Variants in AP2B1 observed in about 807,000 individuals in gnomAD.
The protein encoded by AP2B1 is AP-2 complex subunit beta.
In AP2B1, 23 loss-of-function variants were observed where a neutral mutation model predicts 102.0. The ratio of observed to expected loss-of-function variants is 0.23; its 90% CI spans 0.16 to 0.32. The LOEUF is 0.32. Ranked by LOEUF, AP2B1 falls within the 10% of genes least tolerant of loss-of-function variation. The pLI, the probability that AP2B1 is intolerant of heterozygous loss-of-function variation, is 1.00. For synonymous variants in AP2B1, 381 were observed against 421.2 expected (o/e 0.90, Z 1.17); for missense variants, 541 against 1,157.4 (o/e 0.47, Z 7.73).
At chr17:35,708,296 G>T (rs1257272326) in intron 18 of AP2B1, among the ~76,000 whole-genome samples, 2 of 152,182 alleles carry the variant, frequency 1.3e-5, no homozygotes, top group Middle Eastern at 3.2e-3. Context: ...AAACCAGTGG[G>T]AGGTGGTGAC....
intron 7 of AP2B1, 50 bp from the exon 8 acceptor site, chr17:35,627,335 A>G: frequency 2.0e-6 from 3 of 1,503,160 alleles, no homozygotes; most frequent in African/African-American, 1.5e-5. Context: ...TCAGAAGGGT[A>G]TATCAGTATA....
intron 1 of AP2B1, among the ~76,000 whole-genome samples, chr17:35,592,744 T>C (rs2073142978): frequency 6.6e-6 from 1 of 152,160 alleles, no homozygotes; most frequent in Non-Finnish European, 1.5e-5. Context: ...GATTTCACCA[T>C]GTTGGCGAGG....
chr17:35,722,223 G>T (rs1482538913), intron 21 of AP2B1, among the ~76,000 whole-genome samples: 2 of 152,182 alleles, frequency 1.3e-5, no homozygotes, highest in Admixed American at 6.5e-5. Flanking sequence ...CAGCCTGGGT[G>T]ACAGAGCAAG....
intron 18 of AP2B1, among the ~76,000 whole-genome samples, chr17:35,694,427 A>ATTTTTTTTTTTTTT (rs1555581002): frequency 3.5e-4 from 40 of 114,524 alleles, no homozygotes; most frequent in East Asian, 8.3e-4. Flanking sequence ...TTTTTTTTTA[A>ATTTTTTTTTTTTTT]TTTTTTAATT....
chr17:35,687,226 C>T (rs587760522), intron 18 of AP2B1, among the ~76,000 whole-genome samples: 2 of 152,278 alleles, frequency 1.3e-5, no homozygotes, highest in African/African-American at 4.8e-5. Flanking sequence ...ATCCTCCCAC[C>T]TCAGCCTCCC....
At chr17:35,607,921 T>G in intron 4 of AP2B1, 3 of 553,102 alleles carry the variant, frequency 5.4e-6, no homozygotes, top group South Asian at 2.2e-5. Flanking sequence ...CTGTTTCTCA[T>G]TTTGTATTTA....
chr17:35,623,685 T>C (rs532833704), intron 5 of AP2B1, among the ~76,000 whole-genome samples: 38 of 152,272 alleles, frequency 2.5e-4, no homozygotes, highest in African/African-American at 7.9e-4. Context: ...GTTTCAAAGG[T>C]GTTAATGTGA....
rs555088894 is a variant in AP2B1 at position 35,624,221 on chromosome 17, A to T, written c.526-176A>T. ...TTGCCTTACCACTATATATAATATC[A>T]TTGGTGGTTTAATATATGTTTTGAA... On this transcript the variant is annotated intron_variant, in intron 5 of 21. Coordinates refer to ENST00000610402, the MANE Select transcript of AP2B1 (RefSeq NM_001030006.2). Among the ~76,000 whole-genome samples the T allele has an allele frequency of 2.0e-5, 3 of 152,250 alleles. No individual in the cohort carries two copies. The South Asian group carries it at 6.2e-4, about 31-fold the overall frequency.
At chr17:35,680,686 G>GTTTTTTTTTTGGT (rs2075799284) in intron 17 of AP2B1, among the ~76,000 whole-genome samples, 1 of 59,932 alleles carries the variant, frequency 1.7e-5, no homozygotes, top group African/African-American at 7.5e-5. Flanking sequence ...TATGGTTTTG[G>GTTTTTTTTTTGGT]TTTTTTTTTT....
At chr17:35,703,219 T>C (rs1385183692) in intron 18 of AP2B1, among the ~76,000 whole-genome samples, 137 of 140,338 alleles carry the variant, frequency 9.8e-4, no homozygotes, top group African/African-American at 3.6e-3. Context: ...GAGCCGAGAT[T>C]GCGCCACTGC....
At chr17:35,674,415 C>T (rs1222345631) in intron 17 of AP2B1, 94 bp downstream of exon 17, 11 of 1,447,806 alleles carry the variant, frequency 7.6e-6, no homozygotes, top group African/African-American at 1.4e-5. Flanking sequence ...TAAAAACTCA[C>T]ATATTGGGCC....
Position 35,724,826 on chromosome 17 carries a change from C to G in AP2B1, c.*1127C>G, listed in dbSNP as rs1242746818. On this transcript the variant is annotated 3_prime_UTR_variant, in exon 22 of 22. Coordinates refer to ENST00000610402, the MANE Select transcript of AP2B1 (RefSeq NM_001030006.2). ...CCTTTTCTGTGCCTAGTTTTTGGCT[C>G]TTCACATATTCCATATTGATTTTGA... 1 of 152,166 alleles carries G rather than the reference C, an allele frequency of 6.6e-6. No homozygotes were observed. The highest frequency in any genetic ancestry group is 1.5e-5 in the Non-Finnish European group (1 of 68,046). The allele number at this position is 152,166 out of a possible 1,614,324, so 9.4% of individuals were successfully genotyped here.
chr17:35,631,588 C>T (rs960258508), intron 9 of AP2B1, among the ~76,000 whole-genome samples: 2 of 151,570 alleles, frequency 1.3e-5, no homozygotes, highest in Admixed American at 1.3e-4. Context: ...CTAGTAATAT[C>T]ATGGACATTG....
chr17:35,670,822 A>ACCTCTCTCT, intron 14 of AP2B1, 35 bp from the exon 15 acceptor site: 1 of 1,608,718 alleles, frequency 6.2e-7, no homozygotes, highest in Non-Finnish European at 8.5e-7. Context: ...AATGAACTCT[A>ACCTCTCTCT]CCTCTCTCTC....
At chr17:35,671,623 C>A in intron 15 of AP2B1, 131 bp from the exon 16 acceptor site, 2 of 894,778 alleles carry the variant, frequency 2.2e-6, no homozygotes, top group Non-Finnish European at 3.4e-6. Flanking sequence ...ACTAATTTGA[C>A]TCCTAAGAAT....
intron 4 of AP2B1, among the ~76,000 whole-genome samples, chr17:35,607,680 G>C (rs2073728327): frequency 6.6e-6 from 1 of 151,048 alleles, no homozygotes; most frequent in South Asian, 2.1e-4. Flanking sequence ...GCTCCCCTTT[G>C]TTTTCTTGGC....
Position 35,605,808 on chromosome 17 carries a change from A to G in AP2B1, c.247A>G (p.Met83Val), listed in dbSNP as rs758253002. The G allele has an allele frequency of 6.2e-7, 1 of 1,613,272 alleles. No individual in the cohort carries two copies. The highest frequency in any genetic ancestry group is 2.2e-5 in the East Asian group (1 of 44,890). Residue 83 changes from methionine (M) to valine (V), a missense_variant, in exon 4 of 22, where the codon ATG becomes GTG. Physicochemically the swap from Met to Val is conservative, Grantham distance 21. Around this residue, in one of 10 missense-constraint regions of AP2B1, gnomAD observed 28 missense variants for 98.3 expected, o/e 0.28. Transcript: ENST00000610402. ...LMNYAKSQPD[M>V]AIMAVNSFVK... ...GAACTACGCCAAGAGTCAGCCAGAC[A>G]TGGCCATCATGGCTGTAAACAGCTT...
At chr17:35,589,160 C>T (rs1228742512) in intron 1 of AP2B1, among the ~76,000 whole-genome samples, 6 of 152,132 alleles carry the variant, frequency 3.9e-5, no homozygotes, top group African/African-American at 1.4e-4. Flanking sequence ...GTGATTTTAG[C>T]TTTTGTGTCT....
At chr17:35,611,107 T>C (rs2073849268) in intron 5 of AP2B1, among the ~76,000 whole-genome samples, 1 of 152,152 alleles carries the variant, frequency 6.6e-6, no homozygotes, top group Non-Finnish European at 1.5e-5. Context: ...TGTCTAAAGT[T>C]AGTAGTATCT....
Sources: allele counts gnomAD v4.1 joint callset (sites outside exome capture counted in the v4.1 genomes callset), GRCh38; gene constraint gnomAD v4.1.1; regional missense constraint gnomAD v4.1.1; transcripts MANE v1.5; gene names NCBI Gene and HGNC (gene_info 2026-07-23, HGNC 2026-07-21).